The following MYADML2 variants were observed in gnomAD, a reference collection of about 807,000 sequenced individuals.
MYADML2 encodes myeloid-associated differentiation marker-like protein 2.
A neutral mutation model predicts 16.0 loss-of-function variants in MYADML2; 17 were observed. The ratio of observed to expected loss-of-function variants is 1.06; its 90% CI spans 0.73 to 1.60. The LOEUF is 1.60. Ranked by LOEUF, MYADML2 falls within the 40% of genes most tolerant of loss-of-function variation. The pLI, the probability that MYADML2 is intolerant of heterozygous loss-of-function variation, is 0.00. For missense variants in MYADML2, 422 were observed against 437.7 expected (o/e 0.96, Z 0.32); for synonymous variants, 210 against 208.1 (o/e 1.01, Z -0.08).
rs1363236926 is a variant in MYADML2, at chr17:81,941,421, C to A, written c.321G>T (p.Pro107=). The A allele has an allele frequency of 7.1e-6, 11 of 1,549,280 alleles. No individual in the cohort carries two copies. Among genetic ancestry groups the A allele is most frequent in the Non-Finnish European group, 9.6e-6 (11 of 1,146,564 alleles). The part of the protein sequence containing the change: ...LLCATAAVLY[P]LYFARRECSP... Reference sequence around the variant, plus strand: ...AACACTCCCGCCGGGCAAAGTACAGCGGATACAGGACCGCAGCCGTCGCGC... The same window carrying A: ...AACACTCCCGCCGGGCAAAGTACAGAGGATACAGGACCGCAGCCGTCGCGC... The change falls in exon 3 of 3, where the codon CCG becomes CCT. Residue 107 remains proline (P), a synonymous_variant. Transcript: ENST00000409745.
intron 1 of MYADML2, among the ~76,000 whole-genome samples, chr17:81,943,461 T>C (rs1156501885): frequency 2.7e-5 from 4 of 149,624 alleles, no homozygotes; most frequent in African/African-American, 7.4e-5. Context: ...TGGAGTGCAA[T>C]GGCGCAATCT....
At position 81,941,427 on chromosome 17, in the gene MYADML2, C is replaced by T; in HGVS notation, c.315G>A (p.Leu105=). ...CCCGCCGGGCAAAGTACAGCGGATA[C>T]AGGACCGCAGCCGTCGCGCATAGCA... ...ATLLCATAAV[L]YPLYFARREC... Residue 105 remains leucine (L), a synonymous_variant, in exon 3 of 3, where the codon CTG becomes CTA. Transcript: ENST00000409745. 2 of 1,549,330 alleles carry T rather than the reference C, an allele frequency of 1.3e-6. No individual in the cohort carries two copies. Among genetic ancestry groups the T allele is most frequent in the Non-Finnish European group, 8.7e-7 (1 of 1,146,596 alleles).
At position 81,941,734 on chromosome 17, in the gene MYADML2, C is replaced by G; in HGVS notation, c.8G>C (p.Ser3Thr). 2.6e-6 allele frequency: 4 copies of G among 1,511,010 alleles called. No individual in the cohort carries two copies. Among genetic ancestry groups the G allele is most frequent in the Non-Finnish European group, 3.6e-6 (4 of 1,125,452 alleles). The allele number at this position is 1,511,010 out of a possible 1,614,324, so 93.6% of individuals were successfully genotyped here. MG[S>T]TMEPPGGAYL... ...CGCACCCCCAGGGGGCTCCATGGTG[C>G]TGCCCATCTGGCCAGCCACGTTTCC... Residue 3 changes from serine to threonine, a missense_variant, in exon 3 of 3, where the codon AGC (serine) becomes ACC (threonine). By Grantham distance (58) the Ser-to-Thr change is moderately conservative. Transcript: ENST00000409745.
Position 81,941,701 on chromosome 17 carries a change from T to A in MYADML2, c.41A>T (p.His14Leu). 1.3e-6 allele frequency: 2 copies of A among 1,543,064 alleles called. No homozygotes were observed. The highest frequency in any genetic ancestry group is 1.8e-6 in the Non-Finnish European group (2 of 1,142,564). The change falls in exon 3 of 3, where the codon CAC becomes CTC. Residue 14 changes from histidine to leucine, a missense_variant. Transcript: ENST00000409745. ...TMEPPGGAYLHLGAVTSPVGT... is the reference protein window; with the variant it reads ...TMEPPGGAYLLLGAVTSPVGT... Reference sequence around the variant, plus strand: ...CACAGGGGATGTCACGGCGCCCAGGTGCAGGTACGCACCCCCAGGGGGCTC... The same window carrying A: ...CACAGGGGATGTCACGGCGCCCAGGAGCAGGTACGCACCCCCAGGGGGCTC...
At chr17:81,944,320 G>A (rs557349945) in intron 1 of MYADML2, among the ~76,000 whole-genome samples, 2 of 152,208 alleles carry the variant, frequency 1.3e-5, no homozygotes, top group East Asian at 3.9e-4. Flanking sequence ...GGAGGCTGAG[G>A]TGGGAGAATG....
In MYADML2 at chr17:81,941,404, C is replaced by T. The variant is rs757879513; in HGVS notation, c.338G>A (p.Arg113Gln). ...GCCGGCGGGCTCGGGGGAACACTCC[C>T]GCCGGGCAAAGTACAGCGGATACAG... Reference protein sequence around the residue: ...AVLYPLYFARRECSPEPAGCA... With the variant: ...AVLYPLYFARQECSPEPAGCA... Residue 113 changes from arginine to glutamine, a missense_variant, in exon 3 of 3, where the codon CGG (arginine) becomes CAG (glutamine). Transcript: ENST00000409745. 88 of 1,548,986 alleles carry T rather than the reference C, an allele frequency of 5.7e-5. No individual in the cohort carries two copies. Among genetic ancestry groups the T allele is most frequent in the Middle Eastern group, 1.7e-4 (1 of 5,974 alleles).
chr17:81,946,513 CAGT>C (rs2041348566), intron 1 of MYADML2, among the ~76,000 whole-genome samples: 1 of 147,628 alleles, frequency 6.8e-6, no homozygotes, highest in African/African-American at 2.6e-5. Flanking sequence ...CCAGGTGTGG[CAGT>C]GGGCGCTGGT....
At chr17:81,944,461 C>T (rs1384569550) in intron 1 of MYADML2, among the ~76,000 whole-genome samples, 4 of 151,984 alleles carry the variant, frequency 2.6e-5, no homozygotes, top group African/African-American at 9.7e-5. Flanking sequence ...TGAGACAGAA[C>T]TTCTAAGACC....
chr17:81,943,553 G>A (rs545809629), intron 1 of MYADML2, among the ~76,000 whole-genome samples: 188 of 149,360 alleles, frequency 1.3e-3, no homozygotes, highest in African/African-American at 4.4e-3. Flanking sequence ...ACAGGTGCCC[G>A]CCACCACGCC....
At chr17:81,943,636 C>G (rs1311723255) in intron 1 of MYADML2, among the ~76,000 whole-genome samples, 2 of 151,134 alleles carry the variant, frequency 1.3e-5, no homozygotes, top group East Asian at 3.9e-4. Flanking sequence ...ATCTCCTGAC[C>G]TCGTGATCCG....
chr17:81,940,504 T>G lies in MYADML2; in HGVS notation c.*314A>C, dbSNP rs988353200. On this transcript the variant is annotated 3_prime_UTR_variant, in exon 3 of 3. Coordinates refer to ENST00000409745, the MANE Select transcript of MYADML2 (RefSeq NM_001145113.3). ...TCACAACAGCAGCTGCTTTAAAGTT[T>G]TCCCTTATGATGTTCCAGTGACCAG... 2.2e-5 allele frequency: 7 copies of G among 319,746 alleles called. No homozygotes were observed. Among genetic ancestry groups the G allele is most frequent in the African/African-American group, 1.5e-4 (7 of 48,146 alleles). 19.8% of individuals were successfully genotyped at this position (319,746 alleles called of 1,614,324 possible). A position where few individuals can be genotyped will look rare whatever the true frequency, so the allele number is the denominator to read the frequency against.
chr17:81,941,382 G>A lies in MYADML2; in HGVS notation c.360C>T (p.Ala120=), dbSNP rs575426891. Residue 120 remains alanine, a synonymous_variant, in exon 3 of 3, where the codon GCC becomes GCT. Transcript: ENST00000409745. ...FARRECSPEP[A]GCAARDFRLA... ...GGCGGAAGTCCCTGGCAGCACAGCCGGCGGGCTCGGGGGAACACTCCCGCC... is the reference window on the plus strand; with the variant it reads ...GGCGGAAGTCCCTGGCAGCACAGCCAGCGGGCTCGGGGGAACACTCCCGCC... 198 of 1,548,738 alleles carry A rather than the reference G, an allele frequency of 1.3e-4. 6 individuals are homozygous for A. The South Asian group carries it at 2.0e-3, about 16-fold the overall frequency.
chr17:81,944,111 CA>C (rs1288382701), intron 1 of MYADML2, among the ~76,000 whole-genome samples: 10 of 127,028 alleles, frequency 7.9e-5, no homozygotes, highest in African/African-American at 1.5e-4. Context: ...GATTCCGTCT[CA>C]AAAAAAAAAG....
chr17:81,940,111 G>A lies in MYADML2; in HGVS notation c.*707C>T, dbSNP rs2041289585. The A allele has an allele frequency of 6.6e-6, 1 of 152,332 alleles. No homozygotes were observed. Among genetic ancestry groups the A allele is most frequent in the African/African-American group, 2.4e-5 (1 of 41,470 alleles). 9.4% of individuals were successfully genotyped at this position (152,332 alleles called of 1,614,324 possible). ...TTCCAGGCCACCCGCGCCACCTCCA[G>A]CCTGCGGAGACTCCGGAGGAAGCCT... On this transcript the variant is annotated 3_prime_UTR_variant, in exon 3 of 3. Transcript: ENST00000409745.
intron 1 of MYADML2, among the ~76,000 whole-genome samples, chr17:81,945,146 A>T (rs1231400039): frequency 6.6e-6 from 1 of 152,022 alleles, no homozygotes; most frequent in Admixed American, 6.6e-5. Flanking sequence ...CACGCCTGTC[A>T]TCTCAGCACT....
At chr17:81,945,293 A>G (rs1050489157) in intron 1 of MYADML2, among the ~76,000 whole-genome samples, 21 of 152,062 alleles carry the variant, frequency 1.4e-4, no homozygotes, top group African/African-American at 4.8e-4. Flanking sequence ...TAATCCCAGC[A>G]CTTTGGGAGG....
In MYADML2 at chr17:81,941,681, G is replaced by T. The variant is rs960324375; in HGVS notation, c.61C>A (p.Pro21Thr). Residue 21 changes from proline to threonine, a missense_variant, in exon 3 of 3, where the codon CCT becomes ACT. Physicochemically the swap from Pro to Thr is conservative, Grantham distance 38. Transcript: ENST00000409745. ...AYLHLGAVTS[P>T]VGTARVLQLA... ...TGCAGCACGCGGGCTGTGCCCACAG[G>T]GGATGTCACGGCGCCCAGGTGCAGG... The T allele has an allele frequency of 6.5e-7, 1 of 1,547,182 alleles. No individual in the cohort carries two copies. Among genetic ancestry groups the T allele is most frequent in the African/African-American group, 1.4e-5 (1 of 73,100 alleles).
At position 81,941,703 on chromosome 17, in the gene MYADML2, C is replaced by A; in HGVS notation, c.39G>T (p.Leu13=). Reference sequence around the variant, plus strand: ...CAGGGGATGTCACGGCGCCCAGGTGCAGGTACGCACCCCCAGGGGGCTCCA... The same window carrying A: ...CAGGGGATGTCACGGCGCCCAGGTGAAGGTACGCACCCCCAGGGGGCTCCA... ...STMEPPGGAY[L]HLGAVTSPVG... Residue 13 remains leucine, a synonymous_variant, in exon 3 of 3, where the codon CTG becomes CTT. Transcript: ENST00000409745. 6.5e-7 allele frequency: 1 copy of A among 1,540,954 alleles called. No homozygotes were observed. Among genetic ancestry groups the A allele is most frequent in the Non-Finnish European group, 8.8e-7 (1 of 1,141,292 alleles).
intron 1 of MYADML2, among the ~76,000 whole-genome samples, chr17:81,946,109 C>T (rs933056128): frequency 3.9e-5 from 6 of 151,984 alleles, no homozygotes; most frequent in Non-Finnish European, 8.8e-5. Flanking sequence ...AATCCCAGCA[C>T]GTTGAGAGGC....
Sources: allele counts gnomAD v4.1 joint callset (sites outside exome capture counted in the v4.1 genomes callset), GRCh38; gene constraint gnomAD v4.1.1; transcripts MANE v1.5; gene names NCBI Gene and HGNC (gene_info 2026-07-23, HGNC 2026-07-21).